Variants in NCOA1 observed in about 807,000 individuals in gnomAD.
The protein encoded by NCOA1 is Hin-2 protein.
Under a neutral mutation model 150.9 loss-of-function variants are expected in NCOA1, and 35 were observed. The ratio of observed to expected loss-of-function variants is 0.23; its 90% CI spans 0.18 to 0.31. The LOEUF is 0.31. Among genes scored for constraint, NCOA1 ranks in the 10% least tolerant of loss-of-function variants. The pLI is 1.00. For synonymous variants in NCOA1, 590 were observed against 630.0 expected (o/e 0.94, Z 0.95); for missense variants, 1,491 against 1,749.3 (o/e 0.85, Z 2.63).
chr2:24,718,091 G>A (rs1403532985), intron 14 of NCOA1, among the ~76,000 whole-genome samples: 1 of 151,794 alleles, frequency 6.6e-6, no homozygotes, highest in Non-Finnish European at 1.5e-5. Context: ...GTAGAGATGG[G>A]GTTTCTCCAT....
At position 24,742,184 on chromosome 2, in the gene NCOA1, C is replaced by T; in HGVS notation, c.3704C>T (p.Ala1235Val). The T allele has an allele frequency of 6.2e-7, 1 of 1,607,794 alleles. No individual in the cohort carries two copies. Among genetic ancestry groups the T allele is most frequent in the South Asian group, 1.1e-5 (1 of 89,862 alleles). The change falls in exon 19 of 23, where the codon GCA becomes GTA. Residue 1235 changes from alanine to valine, a missense_variant and splice_region_variant. Ala to Val is a moderately conservative substitution (Grantham distance 64). Transcript: ENST00000348332. ...MQQNVFQYPG[A>V]GMVPQGEANF... The stretch of plus-strand genomic sequence containing the variant: ...CAGAATGTCTTCCAGTATCCAGGAG[C>T]AGGTAGGAAGGTCACAACTTTATGT...
chr2:24,697,859 T>A, intron 11 of NCOA1, 61 bp downstream of exon 11: 1 of 1,504,214 alleles, frequency 6.6e-7, no homozygotes, highest in Non-Finnish European at 9.1e-7. Flanking sequence ...TTTGAATAGT[T>A]CGTATAGAAC....
At chr2:24,500,227 G>C (rs1470786009) in intron 1 of NCOA1, among the ~76,000 whole-genome samples, 2 of 152,110 alleles carry the variant, frequency 1.3e-5, no homozygotes, top group Non-Finnish European at 2.9e-5. Context: ...TCCTGCCTCA[G>C]ATTCCCTAGT....
At chr2:24,546,576 T>C (rs992877680) in intron 1 of NCOA1, among the ~76,000 whole-genome samples, 1 of 152,262 alleles carries the variant, frequency 6.6e-6, no homozygotes, top group African/African-American at 2.4e-5. Flanking sequence ...TGAAAACTTA[T>C]AACCTGGAAA....
rs181912997 is a variant in NCOA1, at chr2:24,533,086, A to G, written c.-395-31209A>G. On this transcript the variant is annotated intron_variant, in intron 1 of 22. Transcript: ENST00000348332. ...ATATTGATTCTTCCTATCCATGAGC[A>G]TGGAATGTTCTCCCATTTGTTTGTG... Among the ~76,000 whole-genome samples the G allele has an allele frequency of 5.3e-5, 8 of 152,352 alleles. No individual in the cohort carries two copies. In the East Asian group the frequency reaches 1.5e-3, roughly 29 times the overall value.
intron 1 of NCOA1, among the ~76,000 whole-genome samples, chr2:24,504,648 A>C (rs1663615370): frequency 6.6e-6 from 1 of 152,246 alleles, no homozygotes; most frequent in African/African-American, 2.4e-5. Context: ...TGGGACAATT[A>C]AAGGAGAAAC....
At chr2:24,699,655 C>G (rs1673061312) in intron 11 of NCOA1, among the ~76,000 whole-genome samples, 1 of 152,066 alleles carries the variant, frequency 6.6e-6, no homozygotes, top group African/African-American at 2.4e-5. Flanking sequence ...TTTGGAGATT[C>G]TAAACAACCT....
intron 4 of NCOA1, among the ~76,000 whole-genome samples, chr2:24,658,061 A>G (rs1192622201): frequency 6.6e-6 from 1 of 152,224 alleles, no homozygotes; most frequent in Non-Finnish European, 1.5e-5. Context: ...ATCTATACCA[A>G]GATCCTAACA....
chr2:24,596,098 T>A (rs1289069198), intron 3 of NCOA1, among the ~76,000 whole-genome samples: 2 of 151,920 alleles, frequency 1.3e-5, no homozygotes, highest in African/African-American at 4.8e-5. Flanking sequence ...AGATGTAGGT[T>A]TTACTGGTTT....
At chr2:24,671,873 T>G (rs1671700880) in intron 6 of NCOA1, among the ~76,000 whole-genome samples, 1 of 152,296 alleles carries the variant, frequency 6.6e-6, no homozygotes, top group Middle Eastern at 3.4e-3. Context: ...CCATGTACTT[T>G]TAAATAATCT....
chr2:24,755,187 ACAGT>A (rs1316972090), intron 20 of NCOA1, among the ~76,000 whole-genome samples: 4 of 152,230 alleles, frequency 2.6e-5, no homozygotes, highest in East Asian at 3.8e-4. Flanking sequence ...AAAACATGAA[ACAGT>A]CAGAGAACCA....
intron 6 of NCOA1, among the ~76,000 whole-genome samples, chr2:24,669,603 C>T (rs1159024235): frequency 6.6e-6 from 1 of 152,232 alleles, no homozygotes; most frequent in South Asian, 2.1e-4. Context: ...TTCTTACCCT[C>T]ATGTAATAAA....
intron 20 of NCOA1, among the ~76,000 whole-genome samples, chr2:24,757,621 C>A (rs968741551): frequency 6.6e-6 from 1 of 151,752 alleles, no homozygotes; most frequent in Middle Eastern, 3.2e-3. Context: ...ATATATATGC[C>A]AGACACTTTG....
At chr2:24,503,285 A>G (rs1663543391) in intron 1 of NCOA1, among the ~76,000 whole-genome samples, 1 of 152,184 alleles carries the variant, frequency 6.6e-6, no homozygotes, top group Non-Finnish European at 1.5e-5. Flanking sequence ...GGATATCTCA[A>G]AAGTCTGGTG....
rs199500142 is a variant in NCOA1, at chr2:24,729,714, C to T, written c.3100C>T (p.Pro1034Ser). 6.2e-7 allele frequency: 1 copy of T among 1,614,236 alleles called. No individual in the cohort carries two copies. The highest frequency in any genetic ancestry group is 1.3e-5 in the African/African-American group (1 of 75,054). Residue 1034 changes from proline to serine, a missense_variant, in exon 17 of 23, where the codon CCT becomes TCT. Coordinates refer to ENST00000348332, the MANE Select transcript of NCOA1 (RefSeq NM_003743.5). ...QVTPPRGAFS[P>S]GMGMQPRQTL... is the part of the protein sequence containing the mutation. ...AACACCTCCCCGAGGTGCTTTTTCA[C>T]CTGGCATGGGCATGCAGCCCAGGCA...
At chr2:24,584,367 AAGTTT>A (rs1307901558) in intron 2 of NCOA1, 104 bp from the exon 3 acceptor site, 1 of 152,150 alleles carries the variant, frequency 6.6e-6, no homozygotes, top group Non-Finnish European at 1.5e-5. Flanking sequence ...TAAATATATT[AAGTTT>A]ATTTACTGCT....
intron 3 of NCOA1, among the ~76,000 whole-genome samples, chr2:24,631,237 T>A (rs753048470): frequency 5.3e-5 from 8 of 152,186 alleles, no homozygotes; most frequent in Non-Finnish European, 1.0e-4. Flanking sequence ...GTGTTAATGG[T>A]TTATTTATAA....
intron 1 of NCOA1, among the ~76,000 whole-genome samples, chr2:24,510,014 G>A (rs1172834572): frequency 6.6e-6 from 1 of 152,164 alleles, no homozygotes; most frequent in Non-Finnish European, 1.5e-5. Context: ...AGTGAGGTTG[G>A]TACCTTTAGG....
At chr2:24,681,863 C>T (rs766373264) in intron 7 of NCOA1, among the ~76,000 whole-genome samples, 18 of 152,012 alleles carry the variant, frequency 1.2e-4, no homozygotes, top group Non-Finnish European at 2.1e-4. Flanking sequence ...TACAGGCGTC[C>T]GCTACCACAC....
Sources: allele counts gnomAD v4.1 joint callset (sites outside exome capture counted in the v4.1 genomes callset), GRCh38; gene constraint gnomAD v4.1.1; transcripts MANE v1.5; gene names NCBI Gene and HGNC (gene_info 2026-07-23, HGNC 2026-07-21).